PLAAT2: variants seen among roughly 807,000 people sequenced by gnomAD.
PLAAT2 encodes phospholipase A and acyltransferase 2.
In PLAAT2, 12 loss-of-function variants were observed where a neutral mutation model predicts 12.8. The ratio of observed to expected loss-of-function variants is 0.94; its 90% CI spans 0.60 to 1.52. The LOEUF (loss-of-function observed/expected upper bound fraction) is 1.52, where lower values mean the gene tolerates loss of function less well. Among genes scored for constraint, PLAAT2 ranks in the 40% most tolerant of loss-of-function variants. The pLI is 0.00. For synonymous variants in PLAAT2, 79 were observed against 86.8 expected, an observed-to-expected ratio of 0.91 and a Z score of 0.50; for missense variants, 166 against 208.1, an observed-to-expected ratio of 0.80 and a Z score of 1.24.
intron 1 of PLAAT2, among the ~76,000 whole-genome samples, chr11:63,562,423 AT>A (rs891698951): frequency 1.3e-5 from 2 of 152,080 alleles, no homozygotes; most frequent in Admixed American, 6.6e-5. Flanking sequence ...TAATTTTAAT[AT>A]TTTTTGTAGG....
intron 3 of PLAAT2, among the ~76,000 whole-genome samples, chr11:63,556,305 T>G (rs1224662102): frequency 6.6e-6 from 1 of 152,136 alleles, no homozygotes; most frequent in African/African-American, 2.4e-5. Context: ...AGGGACAAAC[T>G]AAATAAAACT....
chr11:63,563,415 T>TGAA, upstream of PLAAT2: 2 of 1,538,400 alleles, frequency 1.3e-6, no homozygotes, highest in Non-Finnish European at 1.8e-6. Context: ...ACCCAGCCCA[T>TGAA]ATACAACTAT....
chr11:63,558,206 C>A (rs966591059), intron 3 of PLAAT2, among the ~76,000 whole-genome samples, 186 bp downstream of exon 3: 1 of 152,188 alleles, frequency 6.6e-6, no homozygotes, highest in African/African-American at 2.4e-5. Flanking sequence ...ACATTGCCGA[C>A]TTGCCTATCT....
chr11:63,563,561 T>C (rs1016819044), upstream of PLAAT2, among the ~76,000 whole-genome samples: 5 of 151,114 alleles, frequency 3.3e-5, no homozygotes, highest in Admixed American at 2.0e-4. Flanking sequence ...TCCTAAAAAA[T>C]AGAAAAAATT....
upstream of PLAAT2, among the ~76,000 whole-genome samples, chr11:63,563,745 T>C (rs75368026): frequency 0.04 from 5,266 of 131,168 alleles, 138 homozygotes; most frequent in Non-Finnish European, 0.058. Flanking sequence ...AAACAGAACA[T>C]AGATCAAGGT....
At chr11:63,554,465 T>C (rs1204541357) in intron 3 of PLAAT2, among the ~76,000 whole-genome samples, 1 of 151,604 alleles carries the variant, frequency 6.6e-6, no homozygotes, top group East Asian at 1.9e-4. Flanking sequence ...GACCCCCGTC[T>C]CCACTAAAAA....
intron 1 of PLAAT2, 106 bp downstream of exon 1, chr11:63,563,210 G>A: frequency 7.6e-7 from 1 of 1,319,392 alleles, no homozygotes; most frequent in Non-Finnish European, 1.1e-6. Context: ...ATGTGCCCAT[G>A]TGCCCTCCAT....
At chr11:63,562,502 A>G (rs2017527649) in intron 1 of PLAAT2, among the ~76,000 whole-genome samples, 1 of 152,160 alleles carries the variant, frequency 6.6e-6, no homozygotes, top group African/African-American at 2.4e-5. Context: ...GTGTTCACGT[A>G]TTTCTCCTGG....
Position 63,558,479 on chromosome 11 carries a change from C to G in PLAAT2, c.300G>C (p.Val100=), listed in dbSNP as rs1441992633. 1 of 1,614,222 alleles carries G rather than the reference C, an allele frequency of 6.2e-7. No individual in the cohort carries two copies. The highest frequency in any genetic ancestry group is 8.5e-7 in the Non-Finnish European group (1 of 1,180,052). ...NKIVKRAEEL[V]GQELPYSLTS... is the part of the protein sequence containing the mutation. ...TCAGCGAATAAGGCAACTCCTGCCC[C>G]ACCAACTCCTCTGCCCGCTTGACGA... Residue 100 remains valine (V), a synonymous_variant, in exon 3 of 4, where the codon GTG becomes GTC. Transcript: ENST00000255695.
chr11:63,558,398 A>T lies in PLAAT2; in HGVS notation c.381T>A (p.Ser127Arg). The change falls in exon 3 of 4, where the codon AGT (serine) becomes AGA (arginine). Residue 127 changes from serine to arginine, a missense_variant. Coordinates refer to ENST00000255695, the MANE Select transcript of PLAAT2 (RefSeq NM_017878.2). ...ATGCAGGCTGAAGATGCACCTGGTC[A>T]CTGCGGGAGACGCCATAGCGCAGAT... ...VNHLRYGVSR[S>R]DQVTGAVTTV... The T allele has an allele frequency of 1.9e-6, 3 of 1,613,658 alleles. No homozygotes were observed. The highest frequency in any genetic ancestry group is 2.5e-6 in the Non-Finnish European group (3 of 1,179,630).
chr11:63,555,081 C>G (rs2017454672), intron 3 of PLAAT2, among the ~76,000 whole-genome samples: 1 of 152,084 alleles, frequency 6.6e-6, no homozygotes, highest in South Asian at 2.1e-4. Flanking sequence ...AAGGATTAGT[C>G]CCTGAATATG....
rs114802357 is a variant in PLAAT2 at position 63,556,643 on chromosome 11, T to C, written c.387+1749A>G. ...TCAGTTAATAGCGTGGTCTCCCTCC[T>C]GGGGTACTTGTTTCCAGAAGTTGTG... is the stretch of plus-strand genomic sequence containing the variant. On this transcript the variant is annotated intron_variant, in intron 3 of 3. Transcript: ENST00000255695. 8.5e-3 allele frequency among the ~76,000 whole-genome samples: 1,289 copies of C among 152,292 alleles called. 20 individuals carry two copies. Among genetic ancestry groups the C allele is most frequent in the African/African-American group, 0.029 (1,224 of 41,554 alleles).
intron 1 of PLAAT2, 137 bp downstream of exon 1, chr11:63,563,179 G>T: frequency 1.0e-6 from 1 of 985,438 alleles, no homozygotes; most frequent in Non-Finnish European, 1.6e-6. Context: ...GTCTGAGAGA[G>T]CCAGACCCCC....
intron 2 of PLAAT2, among the ~76,000 whole-genome samples, chr11:63,559,442 T>C (rs2017497919): frequency 1.3e-5 from 2 of 151,922 alleles, no homozygotes; most frequent in Non-Finnish European, 2.9e-5. Flanking sequence ...GAATCCAGGG[T>C]CCCCAGGTCC....
At chr11:63,563,589 G>A (rs1169975730), upstream of PLAAT2, among the ~76,000 whole-genome samples, 1 of 138,436 alleles carries the variant, frequency 7.2e-6, no homozygotes, top group Non-Finnish European at 1.5e-5. Flanking sequence ...CATGGTGGTG[G>A]GCACCTGTAG....
In PLAAT2 at chr11:63,558,433, A is replaced by T; in HGVS notation, c.346T>A (p.Phe116Ile). The T allele has an allele frequency of 6.2e-7, 1 of 1,614,178 alleles. No homozygotes were observed. Among genetic ancestry groups the T allele is most frequent in the Non-Finnish European group, 8.5e-7 (1 of 1,180,036 alleles). Reference sequence around the variant, plus strand: ...ACGCCATAGCGCAGATGGTTCACGAAGTGCTCGCAGTTGTCACTGGTCAGC... The same window carrying T: ...ACGCCATAGCGCAGATGGTTCACGATGTGCTCGCAGTTGTCACTGGTCAGC... ...YSLTSDNCEH[F>I]VNHLRYGVSR... is the part of the protein sequence containing the mutation. The change falls in exon 3 of 4, where the codon TTC becomes ATC. Residue 116 changes from phenylalanine to isoleucine, a missense_variant. Coordinates refer to ENST00000255695, the MANE Select transcript of PLAAT2 (RefSeq NM_017878.2).
At chr11:63,553,582 G>T (rs545009787) in intron 3 of PLAAT2, among the ~76,000 whole-genome samples, 2 of 152,102 alleles carry the variant, frequency 1.3e-5, no homozygotes, top group African/African-American at 4.8e-5. Context: ...CCCAGGAGGC[G>T]GAGGTTGCAG....
At chr11:63,554,041 G>T (rs1296427941) in intron 3 of PLAAT2, among the ~76,000 whole-genome samples, 1 of 152,118 alleles carries the variant, frequency 6.6e-6, no homozygotes, top group Non-Finnish European at 1.5e-5. Context: ...ACCCCCGAGG[G>T]TTGGTGTGCT....
upstream of PLAAT2, among the ~76,000 whole-genome samples, chr11:63,563,732 A>AG (rs1288183377): frequency 6.6e-6 from 1 of 151,734 alleles, no homozygotes; most frequent in Non-Finnish European, 1.5e-5. Context: ...AAAAAAAAAA[A>AG]AAAAACAGAA....
Sources: gnomAD v4.1 joint callset for allele counts (sites outside exome capture counted in the v4.1 genomes callset) on GRCh38, gnomAD v4.1.1 for gene constraint, MANE v1.5 for transcripts, NCBI Gene and HGNC (gene_info 2026-07-23, HGNC 2026-07-21) for gene names.